The following PKD2L2 variants were observed in gnomAD, a reference collection of about 807,000 sequenced individuals.
The protein encoded by PKD2L2 is polycystin-2-like protein 2.
Under a neutral mutation model 83.9 loss-of-function variants are expected in PKD2L2, and 67 were observed. That is an observed-to-expected ratio of 0.80 (90% confidence interval 0.66 to 0.98). The LOEUF (loss-of-function observed/expected upper bound fraction) is 0.98. Ranked by LOEUF, PKD2L2 falls within the 50% of genes least tolerant of loss-of-function variation. The pLI is 0.00. For missense variants in PKD2L2, 632 were observed against 717.2 expected (o/e 0.88, Z 1.36); for synonymous variants, 223 against 237.8 (o/e 0.94, Z 0.57).
chr5:137,896,070 G>C (rs1756440463), intron 4 of PKD2L2, among the ~76,000 whole-genome samples: 1 of 151,770 alleles, frequency 6.6e-6, no homozygotes, highest in Non-Finnish European at 1.5e-5. Context: ...CCAGCTACTT[G>C]GGAGGCTGAG....
chr5:137,893,079 T>A (rs927477279), intron 3 of PKD2L2, among the ~76,000 whole-genome samples: 11 of 151,130 alleles, frequency 7.3e-5, no homozygotes, highest in African/African-American at 1.2e-4. Flanking sequence ...AAAAAAAAAA[T>A]TTTTTTTGAT....
At chr5:137,890,232 G>C in intron 1 of PKD2L2, 3 of 299,888 alleles carry the variant, frequency 1.0e-5, no homozygotes, top group Non-Finnish European at 1.8e-5. Context: ...GCAGTGAGAC[G>C]AGATCGCGTC....
intron 3 of PKD2L2, among the ~76,000 whole-genome samples, chr5:137,894,045 T>C (rs1257755677): frequency 2.0e-5 from 3 of 152,150 alleles, no homozygotes; most frequent in African/African-American, 7.2e-5. Context: ...GATGTGTGGC[T>C]ATGACCAGCT....
chr5:137,912,432 T>A (rs1385227494), intron 8 of PKD2L2, among the ~76,000 whole-genome samples: 1 of 152,178 alleles, frequency 6.6e-6, no homozygotes, highest in Non-Finnish European at 1.5e-5. Flanking sequence ...AGTGGCATGA[T>A]CTCGGCTCAC....
At chr5:137,935,128 T>C (rs36050635) in intron 12 of PKD2L2, among the ~76,000 whole-genome samples, 7,341 of 152,296 alleles carry the variant, frequency 0.048, 194 homozygotes, top group Middle Eastern at 0.061. Flanking sequence ...TCTGGGTGCA[T>C]TGTCTCCTCT....
chr5:137,898,686 T>G (rs1442454740), intron 4 of PKD2L2, among the ~76,000 whole-genome samples: 2 of 152,112 alleles, frequency 1.3e-5, no homozygotes, highest in Non-Finnish European at 2.9e-5. Context: ...CCTGGGTAGC[T>G]GGGACTACAG....
intron 14 of PKD2L2, chr5:137,940,300 C>A (rs756047934): frequency 3.7e-6 from 6 of 1,609,600 alleles, no homozygotes; most frequent in Non-Finnish European, 5.1e-6. Flanking sequence ...TTTTCTTGTA[C>A]TCTCTGTACT....
intron 8 of PKD2L2, among the ~76,000 whole-genome samples, chr5:137,910,983 T>A (rs539229651): frequency 6.6e-6 from 1 of 152,260 alleles, no homozygotes; most frequent in Non-Finnish European, 1.5e-5. Context: ...TAACATCAAA[T>A]TTACCATTTA....
At chr5:137,925,006 A>C (rs748631025) in intron 10 of PKD2L2, 34 bp from the exon 11 acceptor site, 2 of 1,167,980 alleles carry the variant, frequency 1.7e-6, no homozygotes, top group Admixed American at 3.5e-5. Context: ...GATATATTTT[A>C]ATGCATTTTC....
At chr5:137,921,558 A>T in intron 8 of PKD2L2, 78 bp from the exon 9 acceptor site, 1 of 865,826 alleles carries the variant, frequency 1.2e-6, no homozygotes, top group African/African-American at 1.7e-5. Context: ...ATATCCTCTT[A>T]GAGACATTAG....
At chr5:137,925,742 C>A in intron 11 of PKD2L2, 133 bp from the exon 12 acceptor site, 1 of 527,978 alleles carries the variant, frequency 1.9e-6, no homozygotes, top group Non-Finnish European at 3.4e-6. Context: ...TTAATGATCA[C>A]ATTTTCCAAA....
chr5:137,923,007 TTTTC>T (rs956756578), intron 9 of PKD2L2, among the ~76,000 whole-genome samples: 7 of 151,310 alleles, frequency 4.6e-5, no homozygotes, highest in African/African-American at 1.7e-4. Flanking sequence ...TGTTTTTCCT[TTTTC>T]TTTTCTTTTT....
At chr5:137,940,757 A>C (rs1389957995) in intron 14 of PKD2L2, among the ~76,000 whole-genome samples, 2 of 152,214 alleles carry the variant, frequency 1.3e-5, no homozygotes, top group Non-Finnish European at 2.9e-5. Context: ...ATCTGCAACA[A>C]GAGTAATTTT....
intron 12 of PKD2L2, among the ~76,000 whole-genome samples, chr5:137,933,302 C>T (rs377088857): frequency 1.3e-5 from 2 of 152,082 alleles, no homozygotes; most frequent in East Asian, 3.9e-4. Context: ...ATCCTTTATA[C>T]AAATGAAGGT....
At chr5:137,893,002 G>A (rs1231712671) in intron 3 of PKD2L2, among the ~76,000 whole-genome samples, 1 of 152,026 alleles carries the variant, frequency 6.6e-6, no homozygotes, top group African/African-American at 2.4e-5. Context: ...CCGGGAGGTG[G>A]AGGTTACAGT....
chr5:137,912,447 ACCT>A (rs1234894646), intron 8 of PKD2L2, among the ~76,000 whole-genome samples: 1 of 151,756 alleles, frequency 6.6e-6, no homozygotes, highest in Non-Finnish European at 1.5e-5. Context: ...GCTCACTGTA[ACCT>A]CCTCTTCCTA....
Position 137,923,493 on chromosome 5 carries a change from AT to A in PKD2L2, c.1527del (p.Phe509LeufsTer6). 6.5e-7 allele frequency: 1 copy of A among 1,530,876 alleles called. No homozygotes were observed. The highest frequency in any genetic ancestry group is 9.1e-7 in the Non-Finnish European group (1 of 1,104,378). The allele number at this position is 1,530,876 out of a possible 1,614,324, so 94.8% of individuals were successfully genotyped here. A position where few individuals can be genotyped will look rare whatever the true frequency, so the allele number is the denominator to read the frequency against. ...GACTATTCAATAGGCAGAAGGCTAG[AT>A]TTTGAACTTGGCAAAATGATTAAAC... is the stretch of plus-strand genomic sequence containing the variant. ...KADYSIGRRL[D>X]FELGKMIKQS... On this transcript the variant is annotated frameshift_variant, in exon 10 of 15. Coordinates refer to ENST00000508883, the MANE Select transcript of PKD2L2 (RefSeq NM_001300921.2). LOFTEE classifies it high-confidence loss of function.
At chr5:137,895,516 G>A (rs1303412678) in intron 4 of PKD2L2, among the ~76,000 whole-genome samples, 5 of 147,238 alleles carry the variant, frequency 3.4e-5, no homozygotes, top group South Asian at 4.4e-4. Flanking sequence ...ATGTGAAAAC[G>A]CAGTGCCACT....
chr5:137,920,765 A>AT (rs1271045001), intron 8 of PKD2L2, among the ~76,000 whole-genome samples: 1 of 151,830 alleles, frequency 6.6e-6, no homozygotes, highest in Non-Finnish European at 1.5e-5. Context: ...CTAAAAAAAA[A>AT]AAAAAATCAC....
Sources: allele counts gnomAD v4.1 joint callset (sites outside exome capture counted in the v4.1 genomes callset), GRCh38; gene constraint gnomAD v4.1.1; transcripts MANE v1.5; gene names NCBI Gene and HGNC (gene_info 2026-07-23, HGNC 2026-07-21).